BRIP1: variants seen among roughly 807,000 people sequenced by gnomAD.
BRIP1 encodes BRCA1 interacting DNA helicase 1, also known as Fanconi anemia group J protein.
In BRIP1, 88 loss-of-function variants were observed where a neutral mutation model predicts 119.7. That is an observed-to-expected ratio of 0.74 (90% CI 0.62 to 0.88). The LOEUF is 0.88. Among genes scored for constraint, BRIP1 ranks in the 40% least tolerant of loss-of-function variants. The pLI, the probability that BRIP1 is intolerant of heterozygous loss-of-function variation, is 0.00. For missense variants in BRIP1, 1,259 were observed against 1,455.4 expected, an observed-to-expected ratio of 0.87 and a Z score of 2.20; for synonymous variants, 443 against 496.5, an observed-to-expected ratio of 0.89 and a Z score of 1.43.
In BRIP1 at chr17:61,700,711, C is replaced by T. The variant is rs1277730496; in HGVS notation, c.2493-7199G>A. Among the ~76,000 whole-genome samples the T allele has an allele frequency of 6.6e-6, 1 of 152,084 alleles. No homozygotes were observed. The highest frequency in any genetic ancestry group is 1.5e-5 in the Non-Finnish European group (1 of 68,028). On this transcript the variant is annotated intron_variant, in intron 17 of 19. Transcript: ENST00000259008. The surrounding 1 kb of genome is among the most constrained non-coding windows in gnomAD (Gnocchi z 4.1). ...TTTTTCATCAAATTCGGAACGTTTT[C>T]AGCCATAATTTCTTTAAATATTCTT...
chr17:61,837,190 T>C (rs2078587688), intron 6 of BRIP1, among the ~76,000 whole-genome samples: 1 of 152,206 alleles, frequency 6.6e-6, no homozygotes. Context: ...TCTAAAGTGC[T>C]TAGCAGAGTG....
intron 6 of BRIP1, among the ~76,000 whole-genome samples, chr17:61,840,024 G>C (rs2078633680): frequency 2.0e-5 from 3 of 152,130 alleles, no homozygotes; most frequent in Non-Finnish European, 4.4e-5. Context: ...AAGCGGTTTA[G>C]ACTCAAAAGA....
In BRIP1 at chr17:61,713,297, T is replaced by C. The variant is rs1237994867; in HGVS notation, c.2492+2654A>G. Among the ~76,000 whole-genome samples, 4 of 151,388 alleles carry C rather than the reference T, an allele frequency of 2.6e-5. No homozygotes were observed. The highest frequency in any genetic ancestry group is 9.7e-5 in the African/African-American group (4 of 41,430). ...ACTTCTTATCACTACAGTGTACTCC[T>C]TTCACTTACATTAAAAAAAAAGTTA... On this transcript the variant is annotated intron_variant, in intron 17 of 19. Transcript: ENST00000259008. The surrounding 1 kb of genome is among the most constrained non-coding windows in gnomAD (Gnocchi z 4.9).
rs199566448 is a variant in BRIP1, at chr17:61,817,991, AT to A, written c.628-9235del. 6.6e-5 allele frequency among the ~76,000 whole-genome samples: 10 copies of A among 151,620 alleles called. No homozygotes were observed. In the East Asian group the frequency reaches 9.7e-4, roughly 15 times the overall value. On this transcript the variant is annotated intron_variant, in intron 6 of 19. Transcript: ENST00000259008. Reference sequence around the variant, plus strand: ...GAATTCCAATCAAAATCCCAGCAAGATTTTTTTTTGGGTAATCTAAATTTAA... The same window carrying A: ...GAATTCCAATCAAAATCCCAGCAAGATTTTTTTTGGGTAATCTAAATTTAA...
chr17:61,744,638 C>T lies in BRIP1; in HGVS notation c.2098-47G>A, dbSNP rs202221984. 1.3e-6 allele frequency: 2 copies of T among 1,536,098 alleles called. No individual in the cohort carries two copies. The highest frequency in any genetic ancestry group is 1.4e-5 in the African/African-American group (1 of 73,260). ...ATGATTTTTTGTGTGTCTAGCTAAA[C>T]AAACTTAACTTCATTTGTTTAAGCC... On this transcript the variant is annotated intron_variant, in intron 14 of 19. Coordinates refer to ENST00000259008, the MANE Select transcript of BRIP1 (RefSeq NM_032043.3). The surrounding 1 kb of genome is among the most constrained non-coding windows in gnomAD (Gnocchi z 5.0).
rs192420366 is a variant in BRIP1, at chr17:61,831,378, A to G, written c.627+15723T>C. 2.3e-4 allele frequency among the ~76,000 whole-genome samples: 35 copies of G among 152,368 alleles called. No homozygotes were observed. The highest frequency in any genetic ancestry group is 4.0e-4 in the Non-Finnish European group (27 of 68,024). On this transcript the variant is annotated intron_variant, in intron 6 of 19. Coordinates refer to ENST00000259008, the MANE Select transcript of BRIP1 (RefSeq NM_032043.3). The surrounding 1 kb of genome is among the most constrained non-coding windows in gnomAD (Gnocchi z 4.1). ...ACTCCAAAAATATCAACTAGAACCA[A>G]TAAGTGATATAACAAGTTGCAGGTT...
At chr17:61,727,425 G>T (rs1172431497) in intron 16 of BRIP1, among the ~76,000 whole-genome samples, 3 of 152,122 alleles carry the variant, frequency 2.0e-5, no homozygotes, top group Non-Finnish European at 4.4e-5. Flanking sequence ...CAGTCCAAAA[G>T]ATGAAGTATA....
rs940835911 is a variant in BRIP1, at chr17:61,814,542, A to T, written c.628-5785T>A. 1.1e-4 allele frequency among the ~76,000 whole-genome samples: 17 copies of T among 152,250 alleles called. No homozygotes were observed. The highest frequency in any genetic ancestry group is 4.1e-4 in the African/African-American group (17 of 41,584). ...ACTAGTAATTAGGAAAATGCAAATT[A>T]AAACCATAATTAGATTCCATTTCCT... is the stretch of plus-strand genomic sequence containing the variant. On this transcript the variant is annotated intron_variant, in intron 6 of 19. Transcript: ENST00000259008. The surrounding 1 kb of genome is among the most constrained non-coding windows in gnomAD (Gnocchi z 4.9).
In BRIP1 at chr17:61,695,057, C is replaced by T. The variant is rs915221478; in HGVS notation, c.2493-1545G>A. On this transcript the variant is annotated intron_variant, in intron 17 of 19. Transcript: ENST00000259008. The surrounding 1 kb of genome is among the most constrained non-coding windows in gnomAD (Gnocchi z 4.3). The stretch of plus-strand genomic sequence containing the variant: ...AATTTATCTGCTTTTTCTTTGGTTG[C>T]TTGTGCTTCTGATAGCAGATCTAAG... Among the ~76,000 whole-genome samples, 1 of 151,846 alleles carries T rather than the reference C, an allele frequency of 6.6e-6. No homozygotes were observed. Among genetic ancestry groups the T allele is most frequent in the Non-Finnish European group, 1.5e-5 (1 of 67,890 alleles).
chr17:61,830,855 G>A (rs542217174), intron 6 of BRIP1, among the ~76,000 whole-genome samples: 2 of 152,206 alleles, frequency 1.3e-5, no homozygotes, highest in East Asian at 3.9e-4. Flanking sequence ...TATGAACATA[G>A]ATGGAAAGAA....
chr17:61,811,598 G>A (rs922762139), intron 6 of BRIP1, among the ~76,000 whole-genome samples: 2 of 151,830 alleles, frequency 1.3e-5, no homozygotes, highest in African/African-American at 4.8e-5. Flanking sequence ...TTTTCCCTTT[G>A]CATTATTAAA....
chr17:61,719,858 T>C (rs1603295042), intron 16 of BRIP1, among the ~76,000 whole-genome samples: 1 of 152,228 alleles, frequency 6.6e-6, no homozygotes, highest in East Asian at 1.9e-4. Context: ...AGACAGGGCC[T>C]CAGTCTGTCC....
chr17:61,729,125 A>C lies in BRIP1; in HGVS notation c.2380-13062T>G, dbSNP rs2076809541. 6.6e-6 allele frequency among the ~76,000 whole-genome samples: 1 copy of C among 152,116 alleles called. No homozygotes were observed. On this transcript the variant is annotated intron_variant, in intron 16 of 19. Transcript: ENST00000259008. The surrounding 1 kb of genome is among the most constrained non-coding windows in gnomAD (Gnocchi z 5.6). ...GAGACACCCCATCTCTACTAAAAATACAAATTAGCTGGGCGTGGTGGCGCA... is the reference window on the plus strand; with the variant it reads ...GAGACACCCCATCTCTACTAAAAATCCAAATTAGCTGGGCGTGGTGGCGCA...
chr17:61,819,315 T>A (rs899580116), intron 6 of BRIP1, among the ~76,000 whole-genome samples: 8 of 152,114 alleles, frequency 5.3e-5, no homozygotes, highest in African/African-American at 1.9e-4. Context: ...TCGAGAACAA[T>A]TTGGAAATTC....
chr17:61,766,172 G>A (rs2077370599), intron 14 of BRIP1, among the ~76,000 whole-genome samples: 1 of 152,098 alleles, frequency 6.6e-6, no homozygotes, highest in South Asian at 2.1e-4. Context: ...TAGAAAATCA[G>A]GAGTTCTAAG....
At chr17:61,800,330 T>C (rs2077971198) in intron 8 of BRIP1, among the ~76,000 whole-genome samples, 1 of 151,226 alleles carries the variant, frequency 6.6e-6, no homozygotes, top group Non-Finnish European at 1.5e-5. Context: ...CATGGAAGAG[T>C]AGGAAATATA....
chr17:61,696,991 A>G (rs1255849278), intron 17 of BRIP1, among the ~76,000 whole-genome samples: 3 of 149,620 alleles, frequency 2.0e-5, no homozygotes, highest in Non-Finnish European at 3.0e-5. Flanking sequence ...GTCTCAAAAA[A>G]AAAAAAAAAA....
chr17:61,733,162 C>T lies in BRIP1; in HGVS notation c.2379+9851G>A, dbSNP rs554570376. ...ATTTTCTCGTGAATATTCATATTGC[C>T]GTCAAAGCAAAAGGAATAACAATGG... On this transcript the variant is annotated intron_variant, in intron 16 of 19. Transcript: ENST00000259008. Among the ~76,000 whole-genome samples, 10 of 152,156 alleles carry T rather than the reference C, an allele frequency of 6.6e-5. No homozygotes were observed. The East Asian group carries it at 1.7e-3, about 26-fold the overall frequency.
Position 61,754,058 on chromosome 17 carries a change from G to A in BRIP1, c.2098-9467C>T, listed in dbSNP as rs181802003. ...ACCATCTATCATCTAGATTACAGCA[G>A]ACTCCTTAACAGTCACCCTTGCTTC... On this transcript the variant is annotated intron_variant, in intron 14 of 19. Transcript: ENST00000259008. This position sits in a 1 kb window ranked among gnomAD's most constrained non-coding sequence, Gnocchi z 4.1. Among the ~76,000 whole-genome samples, 15 of 152,246 alleles carry A rather than the reference G, an allele frequency of 9.9e-5. No homozygotes were observed. Among genetic ancestry groups the A allele is most frequent in the Non-Finnish European group, 1.9e-4 (13 of 68,034 alleles).
Sources: allele counts gnomAD v4.1 joint callset (sites outside exome capture counted in the v4.1 genomes callset), GRCh38; gene constraint gnomAD v4.1.1; non-coding constraint Gnocchi (gnomAD v3.1); transcripts MANE v1.5; gene names NCBI Gene and HGNC (gene_info 2026-07-23, HGNC 2026-07-21).